PRELID2: variants seen among roughly 807,000 people sequenced by gnomAD.
The protein encoded by PRELID2 is PRELI domain-containing protein 2.
A neutral mutation model predicts 28.4 loss-of-function variants in PRELID2; 25 were observed. The observed-to-expected ratio is 0.88, with a 90% confidence interval of 0.64 to 1.23. The LOEUF is 1.23. Among genes scored for constraint, PRELID2 ranks in the 50% most tolerant of loss-of-function variants. The pLI is 0.00. For missense variants in PRELID2, 201 were observed against 214.4 expected (o/e 0.94, Z 0.39); for synonymous variants, 76 against 71.6 (o/e 1.06, Z -0.31).
chr5:145,695,399 C>A (rs1755238746), intron 1 of PRELID2, among the ~76,000 whole-genome samples: 2 of 152,214 alleles, frequency 1.3e-5, no homozygotes, highest in Admixed American at 1.3e-4. Flanking sequence ...GACTAGGAAG[C>A]AATTGGTAGG....
intron 1 of PRELID2, among the ~76,000 whole-genome samples, chr5:145,631,047 T>A (rs1373509594): frequency 6.6e-6 from 1 of 152,188 alleles, no homozygotes; most frequent in African/African-American, 2.4e-5. Context: ...CAAAGGATCA[T>A]GGAGATAATC....
the PRELID2 span, among the ~76,000 whole-genome samples, chr5:145,364,856 C>CA: frequency 6.6e-6 from 1 of 152,054 alleles, no homozygotes; most frequent in African/African-American, 2.4e-5. Context: ...CACTCAAACT[C>CA]AAAGTCCTAT....
intron 1 of PRELID2, among the ~76,000 whole-genome samples, chr5:145,620,245 C>T (rs1435203192): frequency 2.0e-5 from 3 of 152,192 alleles, no homozygotes; most frequent in Non-Finnish European, 4.4e-5. Flanking sequence ...TTAAAAATAT[C>T]ATAGTGAAAC....
the PRELID2 span, among the ~76,000 whole-genome samples, chr5:145,356,648 A>G: frequency 6.6e-6 from 1 of 151,210 alleles, no homozygotes; most frequent in Non-Finnish European, 1.5e-5. Flanking sequence ...CCTTACTTTG[A>G]GCCTATGGGT....
At chr5:145,529,299 A>AAGTC in intron 1 of PRELID2, among the ~76,000 whole-genome samples, 1 of 152,306 alleles carries the variant, frequency 6.6e-6, no homozygotes, top group East Asian at 1.9e-4. Context: ...ACTAGTTCTA[A>AAGTC]AGTCTTTCTC....
chr5:145,743,591 C>T (rs752777017), intron 1 of PRELID2, among the ~76,000 whole-genome samples: 2 of 64,356 alleles, frequency 3.1e-5, no homozygotes, highest in Admixed American at 2.1e-4. Flanking sequence ...GAAAGCCACA[C>T]GGGGAATCCC....
intron 1 of PRELID2, among the ~76,000 whole-genome samples, chr5:145,620,372 G>GTTAA (rs1753757547): frequency 6.6e-6 from 1 of 152,128 alleles, no homozygotes; most frequent in Admixed American, 6.5e-5. Flanking sequence ...AACACTAAGA[G>GTTAA]TTAACCCTAA....
At chr5:145,795,874 GCACACAGGAC>G (rs1294154531) in intron 5 of PRELID2, 1 of 152,166 alleles carries the variant, frequency 6.6e-6, no homozygotes, top group Non-Finnish European at 1.5e-5. Flanking sequence ...TTAAAATAGA[GCACACAGGAC>G]CTTAGAACTC....
the PRELID2 span, among the ~76,000 whole-genome samples, chr5:145,258,662 GA>G: frequency 6.6e-6 from 1 of 152,128 alleles, no homozygotes; most frequent in African/African-American, 2.4e-5. Context: ...CAAGAGCAAA[GA>G]AAATACCTAA....
intron 1 of PRELID2, among the ~76,000 whole-genome samples, chr5:145,515,910 T>C (rs1752511600): frequency 6.6e-6 from 1 of 152,196 alleles, no homozygotes; most frequent in African/African-American, 2.4e-5. Flanking sequence ...TCTCAATAGA[T>C]GCAGAAAAGG....
At chr5:145,320,214 T>C in the PRELID2 span, among the ~76,000 whole-genome samples, 2 of 152,128 alleles carry the variant, frequency 1.3e-5, no homozygotes. Context: ...TTAAACTACT[T>C]GCACTTGGCA....
chr5:145,429,890 C>T, the PRELID2 span: 1 of 152,332 alleles, frequency 6.6e-6, no homozygotes, highest in African/African-American at 2.4e-5. Context: ...ATATGTTAGC[C>T]TGCTGGAGGA....
chr5:145,749,912 A>G (rs1757084775), intron 1 of PRELID2, among the ~76,000 whole-genome samples: 1 of 152,084 alleles, frequency 6.6e-6, no homozygotes, highest in South Asian at 2.1e-4. Context: ...GGAGTTGAAC[A>G]ATGAGAACAC....
chr5:145,804,599 C>T (rs1753370739), intron 4 of PRELID2, among the ~76,000 whole-genome samples: 2 of 152,112 alleles, frequency 1.3e-5, no homozygotes, highest in South Asian at 4.1e-4. Flanking sequence ...TTTTTATATA[C>T]ATGCCTTTCA....
At chr5:145,829,387 C>T (rs369130361) in intron 1 of PRELID2, among the ~76,000 whole-genome samples, 4 of 152,224 alleles carry the variant, frequency 2.6e-5, no homozygotes, top group African/African-American at 9.6e-5. Context: ...CTTCTCTCAG[C>T]TTTTTATTTT....
At chr5:145,597,560 A>C (rs1753327500) in intron 1 of PRELID2, among the ~76,000 whole-genome samples, 1 of 152,292 alleles carries the variant, frequency 6.6e-6, no homozygotes, top group Middle Eastern at 3.4e-3. Context: ...TTTTTAACCT[A>C]TGAAGGCAAT....
intron 2 of PRELID2, among the ~76,000 whole-genome samples, chr5:145,822,368 G>C (rs1431400558): frequency 6.6e-6 from 1 of 152,150 alleles, no homozygotes; most frequent in Non-Finnish European, 1.5e-5. Context: ...AGTTTTGTGG[G>C]CAATAAAGTC....
At chr5:145,764,324 T>C (rs763018831) in intron 6 of PRELID2, among the ~76,000 whole-genome samples, 2 of 152,152 alleles carry the variant, frequency 1.3e-5, no homozygotes, top group African/African-American at 4.8e-5. Context: ...TGCCCTAAAC[T>C]AGATGTGGCA....
At chr5:145,557,498 TG>T in intron 1 of PRELID2, among the ~76,000 whole-genome samples, 1 of 152,174 alleles carries the variant, frequency 6.6e-6, no homozygotes, top group East Asian at 1.9e-4. Flanking sequence ...TAAGAGAAAA[TG>T]TCTGGGTGAG....
Sources: gnomAD v4.1 joint callset for allele counts (sites outside exome capture counted in the v4.1 genomes callset) on GRCh38, gnomAD v4.1.1 for gene constraint, MANE v1.5 for transcripts, NCBI Gene and HGNC (gene_info 2026-07-23, HGNC 2026-07-21) for gene names.